Variants in MAST4 observed in about 807,000 individuals in gnomAD.
The protein encoded by MAST4 is microtubule associated serine/threonine kinase family member 4.
In MAST4, 89 loss-of-function variants were observed where a neutral mutation model predicts 162.7. That is an observed-to-expected ratio of 0.55 (90% CI 0.46 to 0.65). The LOEUF (loss-of-function observed/expected upper bound fraction) is 0.65, where lower values mean the gene tolerates loss of function less well. MAST4 is among the 30% of genes least tolerant of loss of function. The pLI, the probability that MAST4 is intolerant of heterozygous loss-of-function variation, is 0.00. For missense variants in MAST4, 3,153 were observed against 3,374.0 expected, an observed-to-expected ratio of 0.93 and a Z score of 1.62; for synonymous variants, 1,479 against 1,361.1, an observed-to-expected ratio of 1.09 and a Z score of -1.91.
At chr5:66,923,502 T>G (rs142459474) in intron 4 of MAST4, among the ~76,000 whole-genome samples, 2 of 152,320 alleles carry the variant, frequency 1.3e-5, no homozygotes, top group African/African-American at 4.8e-5. Context: ...TGCAACTGGT[T>G]GGTGAGGGAA....
intron 4 of MAST4, among the ~76,000 whole-genome samples, chr5:66,909,627 A>G (rs1763610932): frequency 6.6e-6 from 1 of 152,140 alleles, no homozygotes; most frequent in African/African-American, 2.4e-5. Flanking sequence ...AGGGTTCCTA[A>G]CTCCCAGGGA....
At chr5:67,135,611 G>C (rs1769511248) in intron 18 of MAST4, among the ~76,000 whole-genome samples, 1 of 152,192 alleles carries the variant, frequency 6.6e-6, no homozygotes. Flanking sequence ...AAGCAGATTT[G>C]TGAGTTGCCT....
intron 3 of MAST4, among the ~76,000 whole-genome samples, chr5:66,822,596 C>T (rs1023760322): frequency 2.0e-5 from 3 of 152,134 alleles, no homozygotes; most frequent in African/African-American, 4.8e-5. Flanking sequence ...CTGACCAGCC[C>T]TCTTCCTCCA....
At chr5:66,880,104 TAA>T (rs1219391914) in intron 3 of MAST4, among the ~76,000 whole-genome samples, 1 of 152,230 alleles carries the variant, frequency 6.6e-6, no homozygotes, top group Non-Finnish European at 1.5e-5. Flanking sequence ...TACAGCTATG[TAA>T]AAGACTGAGG....
intron 4 of MAST4, among the ~76,000 whole-genome samples, chr5:67,045,916 A>T (rs1757313934): frequency 6.6e-6 from 1 of 152,098 alleles, no homozygotes; most frequent in Non-Finnish European, 1.5e-5. Flanking sequence ...CCTTTAAACG[A>T]TTGTCCCCCA....
At chr5:66,893,671 G>A (rs568632157) in intron 3 of MAST4, among the ~76,000 whole-genome samples, 5 of 152,258 alleles carry the variant, frequency 3.3e-5, no homozygotes, top group African/African-American at 1.2e-4. Context: ...TTTCCCACAA[G>A]GATTTTACTG....
chr5:66,801,846 C>T (rs72761251), intron 3 of MAST4, among the ~76,000 whole-genome samples: 1 of 152,020 alleles, frequency 6.6e-6, no homozygotes, highest in Non-Finnish European at 1.5e-5. Flanking sequence ...ATCATACCAT[C>T]ACTTTTTGTG....
At chr5:66,709,698 A>G (rs1750372363) in intron 1 of MAST4, among the ~76,000 whole-genome samples, 1 of 152,186 alleles carries the variant, frequency 6.6e-6, no homozygotes, top group Non-Finnish European at 1.5e-5. Flanking sequence ...AAACATATCA[A>G]TTATAAACAT....
chr5:67,156,209 G>A (rs1772506572), intron 26 of MAST4, among the ~76,000 whole-genome samples: 3 of 152,002 alleles, frequency 2.0e-5, no homozygotes, highest in Admixed American at 2.0e-4. Flanking sequence ...AAATATAAAT[G>A]TTCCCATTTC....
chr5:66,598,121 CTG>C (rs1416838915), intron 1 of MAST4, among the ~76,000 whole-genome samples: 1 of 152,156 alleles, frequency 6.6e-6, no homozygotes, highest in Non-Finnish European at 1.5e-5. Flanking sequence ...GAAGCAAAAA[CTG>C]GATGTGGCAC....
At chr5:66,632,007 A>G (rs1476313870) in intron 1 of MAST4, among the ~76,000 whole-genome samples, 2 of 152,162 alleles carry the variant, frequency 1.3e-5, no homozygotes, top group Non-Finnish European at 2.9e-5. Flanking sequence ...ACAGTGTTCT[A>G]TTCATCAGTT....
chr5:66,642,954 G>T (rs1441112091), intron 1 of MAST4, among the ~76,000 whole-genome samples: 1 of 152,174 alleles, frequency 6.6e-6, no homozygotes, highest in Non-Finnish European at 1.5e-5. Context: ...GGGGTGCCAT[G>T]CCATGAGTGT....
At chr5:66,808,718 T>TC (rs904853573) in intron 3 of MAST4, among the ~76,000 whole-genome samples, 4 of 152,184 alleles carry the variant, frequency 2.6e-5, no homozygotes, top group African/African-American at 9.7e-5. Context: ...TAGTGCCTGA[T>TC]CCCGTAGCCC....
rs536615176 is a variant in MAST4, at chr5:67,048,525, T to A, written c.675-5879T>A. 4.8e-4 allele frequency among the ~76,000 whole-genome samples: 73 copies of A among 152,238 alleles called. No individual in the cohort carries two copies. The South Asian group carries it at 0.013, about 27-fold the overall frequency. On this transcript the variant is annotated intron_variant, in intron 4 of 28. Coordinates refer to ENST00000403625, the MANE Select transcript of MAST4 (RefSeq NM_001164664.2). Reference sequence around the variant, plus strand: ...TAAAACAGGTTCAAAGAGATTTTTTTAAAATCAGACATATATGAATAGATA... The same window carrying A: ...TAAAACAGGTTCAAAGAGATTTTTTAAAAATCAGACATATATGAATAGATA...
chr5:67,067,763 C>T (rs539555471), intron 5 of MAST4, among the ~76,000 whole-genome samples: 7 of 152,244 alleles, frequency 4.6e-5, no homozygotes, highest in Non-Finnish European at 7.4e-5. Flanking sequence ...ATCAGAACCA[C>T]GGCAGTTCCA....
At chr5:66,762,818 A>C (rs1753913484) in intron 2 of MAST4, among the ~76,000 whole-genome samples, 1 of 152,220 alleles carries the variant, frequency 6.6e-6, no homozygotes, top group Non-Finnish European at 1.5e-5. Context: ...TTTCCTTAAA[A>C]CAAAGATTTT....
chr5:66,878,756 C>T (rs1305172519), intron 3 of MAST4, among the ~76,000 whole-genome samples: 2 of 152,202 alleles, frequency 1.3e-5, no homozygotes, highest in Non-Finnish European at 2.9e-5. Flanking sequence ...CCCCTGGCTC[C>T]TATGGACCTA....
At chr5:66,978,106 CTG>C (rs1226031942) in intron 4 of MAST4, among the ~76,000 whole-genome samples, 29 of 152,290 alleles carry the variant, frequency 1.9e-4, no homozygotes, top group African/African-American at 4.6e-4. Flanking sequence ...ATGAATTTGA[CTG>C]TGAATGAACA....
chr5:66,878,313 AAAAGGATAATGTTTTCCCATATTTC>A (rs1761443228), intron 3 of MAST4, among the ~76,000 whole-genome samples: 1 of 152,236 alleles, frequency 6.6e-6, no homozygotes, highest in South Asian at 2.1e-4. Context: ...GTATCACACT[AAAAGGATAATGTTTTCCCATATTTC>A]AAATGGCCAA....
Sources: gnomAD v4.1 joint callset for allele counts (sites outside exome capture counted in the v4.1 genomes callset) on GRCh38, gnomAD v4.1.1 for gene constraint, MANE v1.5 for transcripts, NCBI Gene and HGNC (gene_info 2026-07-23, HGNC 2026-07-21) for gene names.